The following DAND5 variants were observed in gnomAD, a reference collection of about 807,000 sequenced individuals.
DAND5 encodes the protein DAN domain BMP antagonist family member 5.
Under a neutral mutation model 9.2 loss-of-function variants are expected in DAND5, and 8 were observed. The ratio of observed to expected loss-of-function variants is 0.87; its 90% CI spans 0.51 to 1.56. DAND5 has a LOEUF of 1.56. Ranked by LOEUF, DAND5 falls within the 40% of genes most tolerant of loss-of-function variation. The probability of loss-of-function intolerance (pLI) is 0.00; values close to 1 mark genes in which losing one functional copy is unlikely to be tolerated. For missense variants in DAND5, 244 were observed against 244.7 expected, an observed-to-expected ratio of 1.00 and a Z score of 0.02; for synonymous variants, 95 against 101.1, an observed-to-expected ratio of 0.94 and a Z score of 0.36.
intron 1 of DAND5, 58 bp from the exon 2 acceptor site, chr19:12,973,331 C>T: frequency 1.3e-6 from 2 of 1,580,010 alleles, no homozygotes; most frequent in Non-Finnish European, 1.7e-6. Context: ...GGTGATTATC[C>T]TCGCCACTCT....
intron 1 of DAND5, 151 bp from the exon 2 acceptor site, chr19:12,973,238 C>A: frequency 9.1e-7 from 1 of 1,100,040 alleles, no homozygotes; most frequent in Non-Finnish European, 1.3e-6. Context: ...CATGTCTCAG[C>A]CAAGAGACAG....
At chr19:12,971,360 C>A (rs190758997) in intron 1 of DAND5, among the ~76,000 whole-genome samples, 2 of 152,134 alleles carry the variant, frequency 1.3e-5, no homozygotes, top group East Asian at 3.9e-4. Context: ...CTCACTGCAA[C>A]CTCCGCCTCC....
chr19:12,971,270 T>C (rs2011144348), intron 1 of DAND5, among the ~76,000 whole-genome samples: 1 of 151,996 alleles, frequency 6.6e-6, no homozygotes, highest in African/African-American at 2.4e-5. Context: ...TCTTTTCTTA[T>C]TATTTATTTT....
intron 1 of DAND5, 123 bp downstream of exon 1, chr19:12,970,107 A>G: frequency 3.3e-6 from 4 of 1,198,496 alleles, no homozygotes; most frequent in Non-Finnish European, 4.6e-6. Flanking sequence ...TCGGTGCCTC[A>G]GTTTCCTCCC....
Position 12,973,692 on chromosome 19 carries a change from G to A in DAND5, c.*58G>A. 6.3e-7 allele frequency: 1 copy of A among 1,577,000 alleles called. No homozygotes were observed. The highest frequency in any genetic ancestry group is 1.2e-5 in the South Asian group (1 of 84,030). On this transcript the variant is annotated 3_prime_UTR_variant, in exon 2 of 2. Transcript: ENST00000317060. ...GCACCTTGGAGAAATGAGGGGAGAT[G>A]GACCAAGAAAGACGTGGACCTGGAT...
chr19:12,971,313 C>T (rs1342720220), intron 1 of DAND5, among the ~76,000 whole-genome samples: 1 of 152,042 alleles, frequency 6.6e-6, no homozygotes, highest in African/African-American at 2.4e-5. Context: ...GAGTCTCGCT[C>T]TGCTGCCCAG....
rs536950778 is a variant in DAND5, at chr19:12,973,380, C to A, written c.325-9C>A. 5 of 1,613,320 alleles carry A rather than the reference C, an allele frequency of 3.1e-6. No individual in the cohort carries two copies. The highest frequency in any genetic ancestry group is 3.4e-6 in the Non-Finnish European group (4 of 1,179,688). On this transcript the variant is annotated splice_polypyrimidine_tract_variant and intron_variant, in intron 1 of 1. Transcript: ENST00000317060. ...GCCACCCTGACCGTCTCCATGCCTC[C>A]GGCCCCAGGTGTTCTCCCGGCCCGG...
At chr19:12,970,025 C>T (rs776272872) in intron 1 of DAND5, 41 bp downstream of exon 1, 10 of 1,606,330 alleles carry the variant, frequency 6.2e-6, no homozygotes, top group South Asian at 3.3e-5. Context: ...TGGGTCTCAC[C>T]ATTGGCAGAA....
At chr19:12,972,861 C>CTT (rs1212086930) in intron 1 of DAND5, among the ~76,000 whole-genome samples, 366 of 104,684 alleles carry the variant, frequency 3.5e-3, no homozygotes, top group East Asian at 5.5e-3. Flanking sequence ...AATTTCTTTT[C>CTT]TTTTTTTTTT....
In DAND5 at chr19:12,973,404, G is replaced by T. The variant is rs765612939; in HGVS notation, c.340G>T (p.Gly114Cys). Residue 114 changes from glycine to cysteine, a missense_variant, in exon 2 of 2, where the codon GGC becomes TGC. Transcript: ENST00000317060. The stretch of plus-strand genomic sequence containing the variant: ...CCGGCCCCAGGTGTTCTCCCGGCCC[G>T]GCTGCTCAGCCATACGCCTCCGAAA... ...VPFVQVFSRP[G>C]CSAIRLRNHL... 1.2e-6 allele frequency: 2 copies of T among 1,613,830 alleles called. No individual in the cohort carries two copies. The highest frequency in any genetic ancestry group is 4.5e-5 in the East Asian group (2 of 44,882).
intron 1 of DAND5, among the ~76,000 whole-genome samples, chr19:12,970,204 C>A (rs1333330293): frequency 6.6e-6 from 1 of 151,900 alleles, no homozygotes; most frequent in Non-Finnish European, 1.5e-5. Flanking sequence ...TATTTTTCCA[C>A]TCAGCAGCCA....
rs1599681187 is a variant in DAND5, at chr19:12,974,450, T to G, written c.*816T>G. ...TCTTATAGAATGAGGTCAAAGACAC[T>G]CCCAGTTGCAGGGAGGGTAGATGGC... On this transcript the variant is annotated 3_prime_UTR_variant, in exon 2 of 2. Coordinates refer to ENST00000317060, the MANE Select transcript of DAND5 (RefSeq NM_152654.3). 6.7e-6 allele frequency: 1 copy of G among 149,934 alleles called. No homozygotes were observed. The highest frequency in any genetic ancestry group is 2.1e-4 in the South Asian group (1 of 4,678). 9.3% of individuals were successfully genotyped at this position (149,934 alleles called of 1,614,324 possible).
intron 1 of DAND5, chr19:12,970,396 T>C: frequency 2.9e-6 from 2 of 693,822 alleles, no homozygotes; most frequent in Non-Finnish European, 5.3e-6. Flanking sequence ...GTTACTTTGC[T>C]TCTACACATC....
intron 1 of DAND5, among the ~76,000 whole-genome samples, chr19:12,972,676 G>T (rs1000082370): frequency 2.0e-5 from 3 of 151,980 alleles, no homozygotes; most frequent in African/African-American, 7.2e-5. Flanking sequence ...ATGTAACTGG[G>T]ATTACAGGTG....
Position 12,973,800 on chromosome 19 carries a change from GAC to G in DAND5, c.*170_*171del. 1.0e-6 allele frequency: 1 copy of G among 952,878 alleles called. No homozygotes were observed. Among genetic ancestry groups the G allele is most frequent in the Non-Finnish European group, 1.5e-6 (1 of 657,990 alleles). The allele number at this position is 952,878 out of a possible 1,614,324, so 59.0% of individuals were successfully genotyped here. On this transcript the variant is annotated 3_prime_UTR_variant, in exon 2 of 2. Transcript: ENST00000317060. ...TCCTCACCCTGCTCCCCAGACAGTA[GAC>G]ACAGTGCCCGTCCTGGAGTTGCACC...
chr19:12,973,135 T>A (rs1255872293), intron 1 of DAND5, among the ~76,000 whole-genome samples: 1 of 152,190 alleles, frequency 6.6e-6, no homozygotes, highest in Non-Finnish European at 1.5e-5. Flanking sequence ...GTGCTGGGAT[T>A]ACAGGCGTGA....
chr19:12,970,681 C>G (rs973834695), intron 1 of DAND5: 2 of 449,660 alleles, frequency 4.4e-6, no homozygotes, highest in Non-Finnish European at 7.6e-6. Flanking sequence ...TTTCTTTTCT[C>G]TCTCTCTCTT....
In DAND5 at chr19:12,972,956, G is replaced by A. The variant is rs531314612; in HGVS notation, c.325-433G>A. On this transcript the variant is annotated intron_variant, in intron 1 of 1. Transcript: ENST00000317060. ...CGGCTCACTACAAGCTCCGCCTCCT[G>A]GGTTCACACCATTCTTCTGCCTCAG... 4.8e-5 allele frequency among the ~76,000 whole-genome samples: 7 copies of A among 146,784 alleles called. No homozygotes were observed. The South Asian group carries it at 1.1e-3, about 23-fold the overall frequency.
Position 12,973,800 on chromosome 19 carries a change from G to A in DAND5, c.*166G>A. 1 of 952,878 alleles carries A rather than the reference G, an allele frequency of 1.0e-6. No individual in the cohort carries two copies. The highest frequency in any genetic ancestry group is 1.5e-6 in the Non-Finnish European group (1 of 657,990). 59.0% of individuals were successfully genotyped at this position (952,878 alleles called of 1,614,324 possible). Reference sequence around the variant, plus strand: ...TCCTCACCCTGCTCCCCAGACAGTAGACACAGTGCCCGTCCTGGAGTTGCA... The same window carrying A: ...TCCTCACCCTGCTCCCCAGACAGTAAACACAGTGCCCGTCCTGGAGTTGCA... On this transcript the variant is annotated 3_prime_UTR_variant, in exon 2 of 2. Transcript: ENST00000317060.
Sources: gnomAD v4.1 joint callset for allele counts (sites outside exome capture counted in the v4.1 genomes callset) on GRCh38, gnomAD v4.1.1 for gene constraint, MANE v1.5 for transcripts, NCBI Gene and HGNC (gene_info 2026-07-23, HGNC 2026-07-21) for gene names.